The following ADCY7 variants were observed in gnomAD, a reference collection of about 807,000 sequenced individuals.
ADCY7 encodes the protein adenylate cyclase 7.
A neutral mutation model predicts 120.6 loss-of-function variants in ADCY7; 72 were observed. That is an observed-to-expected ratio of 0.60 (90% CI 0.49 to 0.73). The LOEUF (loss-of-function observed/expected upper bound fraction) is 0.73. ADCY7 is among the 30% of genes least tolerant of loss of function. ADCY7 has a pLI of 0.00. For synonymous variants in ADCY7, 661 were observed against 628.0 expected (o/e 1.05, Z -0.78); for missense variants, 1,227 against 1,486.0 (o/e 0.83, Z 2.87).
In ADCY7 at chr16:50,315,007, T is replaced by C; in HGVS notation, c.2972-7T>C. On this transcript the variant is annotated splice_polypyrimidine_tract_variant and splice_region_variant and intron_variant, in intron 24 of 25. Transcript: ENST00000673801. The stretch of plus-strand genomic sequence containing the variant: ...CACGCTTGGGTAACTGTAAACATCA[T>C]CTTCAGGCATAAACCATGGGCCTGT... The C allele has an allele frequency of 6.2e-7, 1 of 1,614,124 alleles. No homozygotes were observed. The highest frequency in any genetic ancestry group is 8.5e-7 in the Non-Finnish European group (1 of 1,179,988).
intron 21 of ADCY7, 148 bp from the exon 22 acceptor site, chr16:50,312,742 A>G: frequency 1.3e-6 from 1 of 760,088 alleles, no homozygotes; most frequent in Non-Finnish European, 2.1e-6. Flanking sequence ...AACAGCCACC[A>G]GATGAAACTC....
At chr16:50,295,456 A>G (rs1432682961) in intron 7 of ADCY7, among the ~76,000 whole-genome samples, 1 of 146,778 alleles carries the variant, frequency 6.8e-6, no homozygotes, top group African/African-American at 2.5e-5. Context: ...TGGCCTCCCA[A>G]GTGCTGGGAT....
At chr16:50,304,595 A>G (rs2035940959) in intron 11 of ADCY7, 44 bp downstream of exon 11, 4 of 1,498,220 alleles carry the variant, frequency 2.7e-6, no homozygotes, top group Non-Finnish European at 3.6e-6. Context: ...TGGGGCCCCA[A>G]GCCAGGAGCA....
chr16:50,281,754 G>T (rs1218331791), intron 1 of ADCY7, among the ~76,000 whole-genome samples: 3 of 152,208 alleles, frequency 2.0e-5, no homozygotes, highest in Admixed American at 6.5e-5. Flanking sequence ...ATGGGACCTT[G>T]AATACCAGCA....
intron 1 of ADCY7, among the ~76,000 whole-genome samples, chr16:50,246,610 A>G (rs1367326170): frequency 6.6e-6 from 1 of 152,190 alleles, no homozygotes; most frequent in Non-Finnish European, 1.5e-5. Context: ...CAAACACTGC[A>G]CAGGGTAGCA....
chr16:50,299,148 G>C, intron 8 of ADCY7, 117 bp downstream of exon 8: 14 of 1,370,984 alleles, frequency 1.0e-5, no homozygotes, highest in Non-Finnish European at 1.3e-5. Flanking sequence ...CGGGGGGTTG[G>C]GGGTGAAAGC....
intron 12 of ADCY7, 87 bp from the exon 13 acceptor site, chr16:50,305,416 A>G: frequency 8.5e-7 from 1 of 1,173,732 alleles, no homozygotes; most frequent in Non-Finnish European, 1.3e-6. Context: ...AGGTTCTGGG[A>G]CCCCACTGGT....
chr16:50,291,643 G>A lies in ADCY7; in HGVS notation c.376-93G>A, dbSNP rs550265419. 2.1e-4 allele frequency: 308 copies of A among 1,475,712 alleles called. 2 individuals are homozygous for A. In the African/African-American group the frequency reaches 3.3e-3, roughly 16 times the overall value. 91.4% of individuals were successfully genotyped at this position (1,475,712 alleles called of 1,614,324 possible). A position where few individuals can be genotyped will look rare whatever the true frequency, so the allele number is the denominator to read the frequency against. ...GGCGAGGGAGCCAACCTAAGGATACGCACTGGGTGGGCTGCTGTGGTGCAG... is the reference window on the plus strand; with the variant it reads ...GGCGAGGGAGCCAACCTAAGGATACACACTGGGTGGGCTGCTGTGGTGCAG... On this transcript the variant is annotated intron_variant, in intron 3 of 25. Coordinates refer to ENST00000673801, the MANE Select transcript of ADCY7 (RefSeq NM_001114.5).
chr16:50,300,567 C>A, intron 8 of ADCY7, 148 bp from the exon 9 acceptor site: 1 of 942,074 alleles, frequency 1.1e-6, no homozygotes, highest in Non-Finnish European at 1.6e-6. Flanking sequence ...CCTGAAGAGG[C>A]AGCCCCATCA....
rs1290922286 is a variant in ADCY7, at chr16:50,312,959, TAC to T, written c.2678_2679del (p.Thr893ArgfsTer17). On this transcript the variant is annotated frameshift_variant, in exon 22 of 26. Coordinates refer to ENST00000673801, the MANE Select transcript of ADCY7 (RefSeq NM_001114.5). LOFTEE classifies it high-confidence loss of function. ...CTCCGTGCCGGACTTCAAAGTGTTC[TAC>T]ACAGAGTGCGATGTCAACAAAGAAG... ...FASVPDFKVF[Y>X]TECDVNKEGL... The T allele has an allele frequency of 1.2e-6, 2 of 1,614,102 alleles. No individual in the cohort carries two copies. The highest frequency in any genetic ancestry group is 1.3e-5 in the African/African-American group (1 of 74,942).
chr16:50,304,204 C>T (rs2035911800), intron 10 of ADCY7, among the ~76,000 whole-genome samples, 156 bp from the exon 11 acceptor site: 1 of 152,198 alleles, frequency 6.6e-6, no homozygotes, highest in Non-Finnish European at 1.5e-5. Context: ...AGCCGCTCTC[C>T]AAGGGGACTG....
At chr16:50,249,388 C>T (rs1175713736) in intron 1 of ADCY7, among the ~76,000 whole-genome samples, 2 of 152,062 alleles carry the variant, frequency 1.3e-5, no homozygotes, top group Non-Finnish European at 2.9e-5. Flanking sequence ...TGCAGTGAGC[C>T]GAGTTAGCGC....
chr16:50,255,402 G>GAAAAAAA (rs60335173), intron 1 of ADCY7, among the ~76,000 whole-genome samples: 3 of 108,124 alleles, frequency 2.8e-5, no homozygotes, highest in East Asian at 2.8e-4. Context: ...TCTGTTTCTG[G>GAAAAAAA]AAAAAAAAAA....
intron 19 of ADCY7, 148 bp downstream of exon 19, chr16:50,311,028 G>C (rs969880508): frequency 1.2e-6 from 1 of 827,164 alleles, no homozygotes; most frequent in Non-Finnish European, 1.8e-6. Flanking sequence ...TCAGAGCCGA[G>C]GAATTCACTG....
In ADCY7 at chr16:50,250,666, G is replaced by GA. The variant is rs1342635106; in HGVS notation, c.-64+4469dup. Among the ~76,000 whole-genome samples the GA allele has an allele frequency of 1.8e-4, 27 of 152,134 alleles. 1 individual carries two copies. The East Asian group carries it at 4.3e-3, about 24-fold the overall frequency. On this transcript the variant is annotated intron_variant, in intron 1 of 4. Coordinates refer to the ADCY7 transcript ENST00000564044. ...AATGCAGTATGTGAGCATATGGTGG[G>GA]AAAAAAGGTATAAAGCACATCAGTG...
At chr16:50,308,893 TCCC>T in intron 17 of ADCY7, 101 bp downstream of exon 17, 1 of 1,406,624 alleles carries the variant, frequency 7.1e-7, no homozygotes, top group Admixed American at 2.6e-5. Context: ...GGTTGTCCTC[TCCC>T]CCGAGCTCAG....
At chr16:50,252,956 GA>G (rs1341223761) in intron 1 of ADCY7, among the ~76,000 whole-genome samples, 7 of 152,018 alleles carry the variant, frequency 4.6e-5, no homozygotes, top group Non-Finnish European at 1.0e-4. Flanking sequence ...CATATTACAA[GA>G]AAAAAAGTTG....
At chr16:50,315,278 G>A in intron 25 of ADCY7, 81 bp from the exon 26 acceptor site, 1 of 1,565,566 alleles carries the variant, frequency 6.4e-7, no homozygotes, top group East Asian at 2.3e-5. Flanking sequence ...CAGACTGCAT[G>A]CCTGGGCAGT....
intron 13 of ADCY7, 58 bp downstream of exon 13, chr16:50,305,644 C>G: frequency 6.5e-7 from 1 of 1,539,774 alleles, no homozygotes; most frequent in Non-Finnish European, 8.9e-7. Flanking sequence ...TAGGGGTCCC[C>G]TATATGGGCA....
Sources: allele counts gnomAD v4.1 joint callset (sites outside exome capture counted in the v4.1 genomes callset), GRCh38; gene constraint gnomAD v4.1.1; transcripts MANE v1.5; gene names NCBI Gene and HGNC (gene_info 2026-07-23, HGNC 2026-07-21).